GABRB1: variants seen among roughly 807,000 people sequenced by gnomAD.
GABRB1 encodes gamma-aminobutyric acid receptor subunit beta-1.
Under a neutral mutation model 51.6 loss-of-function variants are expected in GABRB1, and 17 were observed. The observed-to-expected ratio is 0.33, with a 90% CI of 0.23 to 0.49. The LOEUF is 0.49. Ranked by LOEUF, GABRB1 falls within the 20% of genes least tolerant of loss-of-function variation. The pLI is 0.99. For missense variants in GABRB1, 410 were observed against 600.6 expected (o/e 0.68, Z 3.32); for synonymous variants, 247 against 218.9 (o/e 1.13, Z -1.14).
At chr4:47,399,545 T>C (rs1034211802) in intron 5 of GABRB1, among the ~76,000 whole-genome samples, 2 of 152,032 alleles carry the variant, frequency 1.3e-5, no homozygotes, top group African/African-American at 4.8e-5. Context: ...ATGAAATTGA[T>C]TAGTCATGAT....
At chr4:47,144,805 C>T (rs1717086202) in intron 3 of GABRB1, among the ~76,000 whole-genome samples, 1 of 145,082 alleles carries the variant, frequency 6.9e-6, no homozygotes, top group African/African-American at 2.5e-5. Context: ...GTCATGCTTG[C>T]CTCATATACA....
At position 47,425,684 on chromosome 4, in the gene GABRB1, A is replaced by C; in HGVS notation, c.1091A>C (p.His364Pro). The C allele has an allele frequency of 6.3e-7, 1 of 1,598,350 alleles. No individual in the cohort carries two copies. Among genetic ancestry groups the C allele is most frequent in the Non-Finnish European group, 8.5e-7 (1 of 1,170,978 alleles). The part of the protein sequence containing the change: ...LEMNKVQVDA[H>P]GNILLSTLEI... Reference sequence around the variant, plus strand: ...TCTTTTTGCCATCAGGTCGACGCCCACGGTAACATTCTCCTCAGCACCCTG... The same window carrying C: ...TCTTTTTGCCATCAGGTCGACGCCCCCGGTAACATTCTCCTCAGCACCCTG... Residue 364 changes from histidine (H) to proline (P), a missense_variant, in exon 9 of 9, where the codon CAC becomes CCC. Transcript: ENST00000295454.
chr4:47,048,026 G>A (rs1023157635), intron 3 of GABRB1, among the ~76,000 whole-genome samples: 1 of 152,152 alleles, frequency 6.6e-6, no homozygotes, highest in Admixed American at 6.5e-5. Flanking sequence ...TTAGATGGCT[G>A]TGCTGTCCAA....
intron 3 of GABRB1, among the ~76,000 whole-genome samples, chr4:47,034,909 A>G (rs1215505696): frequency 6.6e-6 from 1 of 152,170 alleles, no homozygotes; most frequent in African/African-American, 2.4e-5. Context: ...TTTTGTATTA[A>G]GCATGTTTCG....
At chr4:47,407,011 T>A in intron 8 of GABRB1, 85 bp downstream of exon 8, 2 of 1,296,182 alleles carry the variant, frequency 1.5e-6, no homozygotes, top group Admixed American at 2.3e-5. Context: ...TAAAAACGAT[T>A]AATAAAAAAA....
At chr4:47,378,443 A>G (rs2110026556) in intron 5 of GABRB1, among the ~76,000 whole-genome samples, 1 of 151,364 alleles carries the variant, frequency 6.6e-6, no homozygotes, top group African/African-American at 2.4e-5. Context: ...CTCCCTCCAC[A>G]CCTCCCTGCA....
chr4:47,167,021 T>C (rs1718220609), intron 4 of GABRB1, among the ~76,000 whole-genome samples: 1 of 152,196 alleles, frequency 6.6e-6, no homozygotes, highest in Admixed American at 6.6e-5. Flanking sequence ...TTTCCACTGA[T>C]GTACAGGATT....
chr4:47,355,930 G>T (rs190875670), intron 5 of GABRB1, among the ~76,000 whole-genome samples: 2 of 152,228 alleles, frequency 1.3e-5, no homozygotes, highest in Non-Finnish European at 2.9e-5. Context: ...CTAAGTCTGT[G>T]TTTGCTCTAT....
At chr4:47,194,056 CCA>C (rs1297968303) in intron 4 of GABRB1, among the ~76,000 whole-genome samples, 1 of 152,132 alleles carries the variant, frequency 6.6e-6, no homozygotes, top group African/African-American at 2.4e-5. Flanking sequence ...TAAATTTTCT[CCA>C]GTTTCATTAA....
At position 47,254,361 on chromosome 4, in the gene GABRB1, G is replaced by GTTTTTTTTTTTTT. The variant is rs56838956; in HGVS notation, c.462-65747_462-65735dup. The stretch of plus-strand genomic sequence containing the variant: ...ATGGTGGATGATGTTTCTTTTCTTT[G>GTTTTTTTTTTTTT]TTTTTTTTTTTTTTTTTTTTTTTTT... On this transcript the variant is annotated intron_variant, in intron 4 of 8. Transcript: ENST00000295454. Among the ~76,000 whole-genome samples the GTTTTTTTTTTTTT allele has an allele frequency of 5.6e-4, 45 of 80,964 alleles. 2 individuals carry two copies. The highest frequency in any genetic ancestry group is 8.8e-4 in the African/African-American group (17 of 19,290). The allele number at this position is 80,964 out of a possible 152,430, so 53.1% of individuals were successfully genotyped here. A position where few individuals can be genotyped will look rare whatever the true frequency, so the allele number is the denominator to read the frequency against.
chr4:47,034,465 A>G (rs1236403753), intron 3 of GABRB1, among the ~76,000 whole-genome samples: 1 of 152,188 alleles, frequency 6.6e-6, no homozygotes, highest in Non-Finnish European at 1.5e-5. Flanking sequence ...GTGTGTATGC[A>G]CTTGATTTTT....
At chr4:47,327,050 T>A (rs1426270972) in intron 5 of GABRB1, among the ~76,000 whole-genome samples, 1 of 152,238 alleles carries the variant, frequency 6.6e-6, no homozygotes, top group Non-Finnish European at 1.5e-5. Context: ...TTCAAGTCAT[T>A]TGACTTTTAG....
At chr4:47,363,214 A>G (rs967592045) in intron 5 of GABRB1, among the ~76,000 whole-genome samples, 2 of 152,180 alleles carry the variant, frequency 1.3e-5, no homozygotes, top group African/African-American at 4.8e-5. Flanking sequence ...TTAGAGATAA[A>G]GAAATTGAGG....
chr4:47,067,242 A>C (rs4600895), intron 3 of GABRB1, among the ~76,000 whole-genome samples: 73,655 of 151,998 alleles, frequency 0.48, 18,279 homozygotes, highest in African/African-American at 0.58. Context: ...AGAGCACAGG[A>C]AGAGTAGATT....
intron 4 of GABRB1, among the ~76,000 whole-genome samples, chr4:47,257,357 G>A (rs1487115999): frequency 6.6e-6 from 1 of 152,096 alleles, no homozygotes; most frequent in African/African-American, 2.4e-5. Flanking sequence ...GCTTACACTT[G>A]AAAATTAGTT....
At chr4:47,340,751 G>A (rs1725862756) in intron 5 of GABRB1, among the ~76,000 whole-genome samples, 2 of 152,102 alleles carry the variant, frequency 1.3e-5, no homozygotes, top group South Asian at 2.1e-4. Flanking sequence ...TCAGGCCATA[G>A]CAGGTAACAA....
intron 4 of GABRB1, among the ~76,000 whole-genome samples, chr4:47,179,164 G>T (rs989490302): frequency 6.6e-6 from 1 of 151,980 alleles, no homozygotes; most frequent in African/African-American, 2.4e-5. Context: ...CCCACCCTGT[G>T]CCCATGTGCT....
At chr4:47,373,396 C>T (rs187400803) in intron 5 of GABRB1, among the ~76,000 whole-genome samples, 234 of 152,250 alleles carry the variant, frequency 1.5e-3, no homozygotes, top group African/African-American at 5.1e-3. Flanking sequence ...ATACTTAGTT[C>T]CTCTTTTGTT....
chr4:47,160,628 T>A (rs758041470), intron 3 of GABRB1, among the ~76,000 whole-genome samples: 7 of 152,094 alleles, frequency 4.6e-5, no homozygotes, highest in Non-Finnish European at 7.4e-5. Flanking sequence ...CTGTACAATT[T>A]CTCTTTATGG....
Sources: allele counts gnomAD v4.1 joint callset (sites outside exome capture counted in the v4.1 genomes callset), GRCh38; gene constraint gnomAD v4.1.1; transcripts MANE v1.5; gene names NCBI Gene and HGNC (gene_info 2026-07-23, HGNC 2026-07-21).